VPS13B: variants seen among roughly 807,000 people sequenced by gnomAD.
The protein encoded by VPS13B is vacuolar protein sorting 13 homolog B.
A neutral mutation model predicts 426.4 loss-of-function variants in VPS13B; 285 were observed. That is an observed-to-expected ratio of 0.67 (90% CI 0.61 to 0.74). VPS13B has a LOEUF of 0.74. VPS13B is among the 30% of genes least tolerant of loss of function. VPS13B has a pLI of 0.00. For missense variants in VPS13B, 4,537 were observed against 4,782.6 expected (o/e 0.95, Z 1.51); for synonymous variants, 1,676 against 1,676.4 (o/e 1.00, Z 0.01).
At chr8:99,336,716 A>T (rs1422302945) in intron 19 of VPS13B, among the ~76,000 whole-genome samples, 1 of 152,244 alleles carries the variant, frequency 6.6e-6, no homozygotes, top group Non-Finnish European at 1.5e-5. Flanking sequence ...ATGAACAGAC[A>T]CTTCTCAAAA....
intron 20 of VPS13B, among the ~76,000 whole-genome samples, chr8:99,388,212 A>G (rs1814234267): frequency 6.6e-6 from 1 of 152,170 alleles, no homozygotes; most frequent in South Asian, 2.1e-4. Context: ...GTAAAAATTA[A>G]GTTGAAGCAT....
chr8:99,030,135 CTT>C (rs58542671), intron 2 of VPS13B, among the ~76,000 whole-genome samples: 54 of 75,728 alleles, frequency 7.1e-4, no homozygotes, highest in African/African-American at 2.7e-3. Flanking sequence ...AAAATACATG[CTT>C]TTTTTTTTTT....
intron 43 of VPS13B, among the ~76,000 whole-genome samples, chr8:99,791,177 T>A (rs1358155262): frequency 6.6e-6 from 1 of 152,106 alleles, no homozygotes; most frequent in Admixed American, 6.5e-5. Context: ...AACTCAATCA[T>A]AAAAATTGCA....
chr8:99,803,926 C>T (rs1813262815), intron 43 of VPS13B, among the ~76,000 whole-genome samples: 1 of 151,976 alleles, frequency 6.6e-6, no homozygotes, highest in Non-Finnish European at 1.5e-5. Flanking sequence ...CATTTTGGGC[C>T]TACTTGATAT....
chr8:99,217,857 C>T (rs1268549361), intron 17 of VPS13B, among the ~76,000 whole-genome samples: 1 of 152,162 alleles, frequency 6.6e-6, no homozygotes, highest in Non-Finnish European at 1.5e-5. Context: ...GTGACTTTTG[C>T]ACAATGCCAG....
intron 19 of VPS13B, among the ~76,000 whole-genome samples, chr8:99,293,854 C>T (rs1436930826): frequency 2.1e-5 from 3 of 145,996 alleles, no homozygotes; most frequent in African/African-American, 5.1e-5. Context: ...CATCTCACAC[C>T]AGTTAGAATG....
chr8:99,562,695 A>G (rs1824993375), intron 31 of VPS13B, among the ~76,000 whole-genome samples: 1 of 151,962 alleles, frequency 6.6e-6, no homozygotes, highest in Admixed American at 6.6e-5. Context: ...ATTTTTTTAT[A>G]ATGGAATTTT....
At chr8:99,580,010 A>T (rs778459964) in intron 33 of VPS13B, among the ~76,000 whole-genome samples, 4 of 152,066 alleles carry the variant, frequency 2.6e-5, no homozygotes, top group Non-Finnish European at 5.9e-5. Context: ...CAATTTTTTT[A>T]AAAATTCCTT....
chr8:99,370,202 C>T (rs1321306463), intron 19 of VPS13B, among the ~76,000 whole-genome samples: 1 of 152,154 alleles, frequency 6.6e-6, no homozygotes, highest in East Asian at 1.9e-4. Context: ...CTGATATGAC[C>T]TTGCATTCCA....
intron 30 of VPS13B, among the ~76,000 whole-genome samples, chr8:99,549,482 G>T (rs1289847600): frequency 6.6e-6 from 1 of 152,038 alleles, no homozygotes; most frequent in Non-Finnish European, 1.5e-5. Context: ...ATGATGTGAT[G>T]ACTTCTGTGC....
chr8:99,469,546 C>T (rs1245207558), intron 24 of VPS13B, among the ~76,000 whole-genome samples: 1 of 151,922 alleles, frequency 6.6e-6, no homozygotes, highest in African/African-American at 2.4e-5. Context: ...TGGCTATTTG[C>T]CTTTCTATTA....
intron 16 of VPS13B, among the ~76,000 whole-genome samples, chr8:99,170,807 A>G (rs1043645375): frequency 2.0e-5 from 3 of 151,632 alleles, no homozygotes; most frequent in African/African-American, 7.2e-5. Flanking sequence ...ATGTTTAAAT[A>G]TATGAAATTA....
chr8:99,717,963 T>A (rs1359959062), intron 37 of VPS13B, among the ~76,000 whole-genome samples: 1 of 152,240 alleles, frequency 6.6e-6, no homozygotes, highest in Non-Finnish European at 1.5e-5. Flanking sequence ...TTTTGGCTGC[T>A]ATGAATAATG....
intron 19 of VPS13B, among the ~76,000 whole-genome samples, chr8:99,352,553 G>A (rs1811948599): frequency 6.6e-6 from 1 of 152,180 alleles, no homozygotes; most frequent in African/African-American, 2.4e-5. Flanking sequence ...AAAATACCTG[G>A]CTGGGCGCAG....
intron 19 of VPS13B, among the ~76,000 whole-genome samples, chr8:99,336,515 GGATCTAATGAAACTAAA>G (rs1049209481): frequency 1.3e-5 from 2 of 152,110 alleles, no homozygotes; most frequent in Admixed American, 1.3e-4. Context: ...TTGACAAATG[GGATCTAATGAAACTAAA>G]GAGCTTCTGC....
intron 33 of VPS13B, among the ~76,000 whole-genome samples, chr8:99,638,781 A>G (rs953773622): frequency 6.6e-6 from 1 of 152,230 alleles, no homozygotes; most frequent in African/African-American, 2.4e-5. Context: ...CTTAAGGAGT[A>G]CAGTATTGAG....
chr8:99,136,539 G>C (rs1033465325), intron 11 of VPS13B, 126 bp from the exon 12 acceptor site: 5 of 926,868 alleles, frequency 5.4e-6, no homozygotes, highest in South Asian at 1.4e-5. Flanking sequence ...AATAACCTCT[G>C]TTCTTTTGGT....
rs1563764105 is a variant in VPS13B, at chr8:99,501,858, G to A, written c.4042G>A (p.Glu1348Lys). 1 of 1,612,666 alleles carries A rather than the reference G, an allele frequency of 6.2e-7. No individual in the cohort carries two copies. The highest frequency in any genetic ancestry group is 8.5e-7 in the Non-Finnish European group (1 of 1,179,650). ...TCCAGATCCTGAAAATAAAGGCACA[G>A]GTACAGGATTCCTTTTCTTTCTTCC... is the stretch of plus-strand genomic sequence containing the variant. ...FAPDPENKGT[E>K]VCMVSELEDL... The change falls in exon 26 of 62, where the codon GAG becomes AAG. Residue 1348 changes from glutamate (E) to lysine (K), a missense_variant and splice_region_variant. Coordinates refer to ENST00000357162, the MANE Select transcript of VPS13B (RefSeq NM_152564.5).
intron 35 of VPS13B, among the ~76,000 whole-genome samples, chr8:99,694,993 A>G (rs1297344185): frequency 4.7e-4 from 71 of 150,092 alleles, no homozygotes; most frequent in Non-Finnish European, 7.9e-4. Context: ...CAAAACCACT[A>G]TGAGATATCA....
Sources: gnomAD v4.1 joint callset for allele counts (sites outside exome capture counted in the v4.1 genomes callset) on GRCh38, gnomAD v4.1.1 for gene constraint, MANE v1.5 for transcripts, NCBI Gene and HGNC (gene_info 2026-07-23, HGNC 2026-07-21) for gene names.